NKAIN2: variants seen among roughly 807,000 people sequenced by gnomAD.
NKAIN2 encodes sodium/potassium transporting ATPase interacting 2, also known as sodium/potassium-transporting ATPase subunit beta-1-interacting protein 2.
Under a neutral mutation model 32.6 loss-of-function variants are expected in NKAIN2, and 14 were observed. That is an observed-to-expected ratio of 0.43 (90% confidence interval 0.28 to 0.67). NKAIN2 has a LOEUF of 0.67. NKAIN2 is among the 30% of genes least tolerant of loss of function. The pLI, the probability that NKAIN2 is intolerant of heterozygous loss-of-function variation, is 0.17. For missense variants in NKAIN2, 198 were observed against 258.3 expected (o/e 0.77, Z 1.60); for synonymous variants, 80 against 87.2 (o/e 0.92, Z 0.46).
At chr6:124,784,675 G>A (rs966342029) in intron 4 of NKAIN2, among the ~76,000 whole-genome samples, 1 of 152,068 alleles carries the variant, frequency 6.6e-6, no homozygotes, top group African/African-American at 2.4e-5. Context: ...TATGAATAGT[G>A]ATGTTATACA....
chr6:124,246,741 AAG>A (rs1793425468), intron 1 of NKAIN2, among the ~76,000 whole-genome samples: 1 of 152,200 alleles, frequency 6.6e-6, no homozygotes, highest in Admixed American at 6.6e-5. Context: ...TCAACTAAAA[AAG>A]GGAGCTATCA....
chr6:123,979,259 CAAT>C (rs1778784397), intron 1 of NKAIN2, among the ~76,000 whole-genome samples: 1 of 151,992 alleles, frequency 6.6e-6, no homozygotes, highest in Admixed American at 6.5e-5. Context: ...AATTAGAAAA[CAAT>C]AATTTTAAAT....
intron 1 of NKAIN2, among the ~76,000 whole-genome samples, chr6:123,892,859 G>A (rs1289666118): frequency 6.6e-6 from 1 of 151,476 alleles, no homozygotes; most frequent in African/African-American, 2.4e-5. Context: ...TAAGGGTGAA[G>A]GTCAGATGCC....
chr6:124,293,543 A>G (rs921331694), intron 2 of NKAIN2, among the ~76,000 whole-genome samples: 1 of 152,138 alleles, frequency 6.6e-6, no homozygotes, highest in Non-Finnish European at 1.5e-5. Context: ...TAGTCCTGAT[A>G]CTTTCATGAA....
intron 1 of NKAIN2, among the ~76,000 whole-genome samples, chr6:124,269,531 G>A (rs866811104): frequency 1.3e-5 from 2 of 148,468 alleles, no homozygotes; most frequent in Admixed American, 6.8e-5. Context: ...GCAATGGTGC[G>A]AACTCGGCTC....
chr6:124,034,645 A>G (rs1179221710), intron 1 of NKAIN2, among the ~76,000 whole-genome samples: 2 of 152,042 alleles, frequency 1.3e-5, no homozygotes, highest in Admixed American at 6.6e-5. Context: ...CAGTAGTGAG[A>G]TTGCTAGGTC....
At chr6:124,746,356 C>A (rs1777451636) in intron 4 of NKAIN2, among the ~76,000 whole-genome samples, 1 of 151,578 alleles carries the variant, frequency 6.6e-6, no homozygotes, top group South Asian at 2.1e-4. Flanking sequence ...GAAAAACAGA[C>A]AAAAGAAAAG....
chr6:123,931,612 C>A (rs563448907), intron 1 of NKAIN2, among the ~76,000 whole-genome samples: 4 of 152,116 alleles, frequency 2.6e-5, no homozygotes, highest in African/African-American at 9.6e-5. Context: ...CTATACATTT[C>A]TTCATGCTTC....
intron 3 of NKAIN2, among the ~76,000 whole-genome samples, chr6:124,592,984 AT>A (rs1480067556): frequency 6.6e-6 from 1 of 152,176 alleles, no homozygotes; most frequent in African/African-American, 2.4e-5. Flanking sequence ...TCAACAAATC[AT>A]TGTAATCTTC....
At chr6:124,773,583 A>G (rs540313950) in intron 4 of NKAIN2, among the ~76,000 whole-genome samples, 140 of 152,254 alleles carry the variant, frequency 9.2e-4, no homozygotes, top group Non-Finnish European at 1.8e-3. Context: ...GAATTTTTCT[A>G]AGTAGAATAC....
At chr6:124,375,402 T>TTA (rs534776924) in intron 3 of NKAIN2, among the ~76,000 whole-genome samples, 41 of 147,550 alleles carry the variant, frequency 2.8e-4, no homozygotes, top group South Asian at 2.3e-3. Context: ...TGTATATAAA[T>TTA]TATATATATA....
At chr6:123,985,763 G>T (rs1395728395) in intron 1 of NKAIN2, among the ~76,000 whole-genome samples, 1 of 152,120 alleles carries the variant, frequency 6.6e-6, no homozygotes, top group Non-Finnish European at 1.5e-5. Flanking sequence ...ATATGGGCAG[G>T]AAAATCCTAG....
chr6:123,904,178 C>A (rs1401387479), intron 1 of NKAIN2, among the ~76,000 whole-genome samples: 2 of 151,614 alleles, frequency 1.3e-5, no homozygotes, highest in Non-Finnish European at 2.9e-5. Flanking sequence ...TTGTGGTGAG[C>A]CAAGATCGCA....
chr6:124,571,282 G>A (rs1781117970), intron 3 of NKAIN2, among the ~76,000 whole-genome samples: 1 of 152,136 alleles, frequency 6.6e-6, no homozygotes, highest in Non-Finnish European at 1.5e-5. Flanking sequence ...TAAGACTTTG[G>A]GGGACTGTTG....
At chr6:124,323,621 G>T (rs1317930914) in intron 2 of NKAIN2, among the ~76,000 whole-genome samples, 1 of 151,774 alleles carries the variant, frequency 6.6e-6, no homozygotes, top group African/African-American at 2.4e-5. Context: ...GCATTTCTGG[G>T]TTTATTAGTA....
intron 4 of NKAIN2, among the ~76,000 whole-genome samples, chr6:124,713,551 C>G (rs958225077): frequency 1.3e-5 from 2 of 152,072 alleles, no homozygotes; most frequent in Admixed American, 6.6e-5. Context: ...GCTTACATTT[C>G]CATACTCGTA....
At chr6:124,151,186 A>T (rs1787699726) in intron 1 of NKAIN2, among the ~76,000 whole-genome samples, 2 of 151,832 alleles carry the variant, frequency 1.3e-5, no homozygotes, top group African/African-American at 4.8e-5. Context: ...AACTTTTATC[A>T]TCTAGTATAA....
intron 5 of NKAIN2, among the ~76,000 whole-genome samples, chr6:124,806,302 T>G (rs552117819): frequency 6.6e-6 from 1 of 152,150 alleles, no homozygotes; most frequent in South Asian, 2.1e-4. Flanking sequence ...TGGCAGAAAC[T>G]CTACAAGCCA....
chr6:124,182,541 A>C (rs1345959233), intron 1 of NKAIN2, among the ~76,000 whole-genome samples: 1 of 152,204 alleles, frequency 6.6e-6, no homozygotes, highest in Non-Finnish European at 1.5e-5. Flanking sequence ...TGATTTTTTA[A>C]TGCTGTTATC....
Sources: allele counts gnomAD v4.1 joint callset (sites outside exome capture counted in the v4.1 genomes callset), GRCh38; gene constraint gnomAD v4.1.1; transcripts MANE v1.5; gene names NCBI Gene and HGNC (gene_info 2026-07-23, HGNC 2026-07-21).